The following CDH13 variants were observed in gnomAD, a reference collection of about 807,000 sequenced individuals.
CDH13 encodes the protein cadherin-13.
CDH13 carries 24 observed loss-of-function variants against 63.8 expected under a neutral mutation model. That is an observed-to-expected ratio of 0.38 (90% CI 0.27 to 0.53). The LOEUF is 0.53. Among genes scored for constraint, CDH13 ranks in the 20% least tolerant of loss-of-function variants. The probability of loss-of-function intolerance (pLI) is 0.85; values close to 1 mark genes in which losing one functional copy is unlikely to be tolerated. For missense variants in CDH13, 1,049 were observed against 903.1 expected (o/e 1.16, Z -2.07); for synonymous variants, 503 against 355.3 (o/e 1.42, Z -4.67).
chr16:82,990,657 C>A (rs1911553634), intron 2 of CDH13, among the ~76,000 whole-genome samples: 1 of 151,842 alleles, frequency 6.6e-6, no homozygotes, highest in Non-Finnish European at 1.5e-5. Context: ...AGTGATTCTC[C>A]CACCTCAGCC....
At chr16:82,805,384 A>G (rs555913890) in intron 1 of CDH13, among the ~76,000 whole-genome samples, 4 of 152,212 alleles carry the variant, frequency 2.6e-5, no homozygotes, top group African/African-American at 9.6e-5. Flanking sequence ...GTCCAAATCC[A>G]GTCCTTGTCT....
At chr16:83,420,494 G>T (rs895640652) in intron 6 of CDH13, among the ~76,000 whole-genome samples, 1 of 152,152 alleles carries the variant, frequency 6.6e-6, no homozygotes, top group Non-Finnish European at 1.5e-5. Flanking sequence ...GCTCTCTCTC[G>T]TAATAGTTCA....
intron 6 of CDH13, among the ~76,000 whole-genome samples, chr16:83,361,782 CTA>C (rs1378274596): frequency 6.6e-6 from 1 of 152,004 alleles, no homozygotes; most frequent in African/African-American, 2.4e-5. Flanking sequence ...TCTCATTAGT[CTA>C]TGTGTCTATT....
intron 13 of CDH13, 83 bp downstream of exon 13, chr16:83,783,555 C>G (rs1472364204): frequency 6.0e-6 from 6 of 999,146 alleles, no homozygotes; most frequent in Admixed American, 3.4e-5. Context: ...TTCCCATATA[C>G]CTTTCCAAGA....
chr16:83,127,319 T>G (rs1259785325), intron 4 of CDH13, among the ~76,000 whole-genome samples: 1 of 152,224 alleles, frequency 6.6e-6, no homozygotes, highest in Non-Finnish European at 1.5e-5. Flanking sequence ...AAGATCATCC[T>G]GGCTGCCTTG....
intron 1 of CDH13, among the ~76,000 whole-genome samples, chr16:82,813,954 C>G (rs184726623): frequency 6.6e-6 from 1 of 151,982 alleles, no homozygotes; most frequent in East Asian, 1.9e-4. Flanking sequence ...CTCATAAAAC[C>G]ATTGTCGAGA....
At chr16:83,428,863 G>C (rs2072000176) in intron 6 of CDH13, among the ~76,000 whole-genome samples, 1 of 152,182 alleles carries the variant, frequency 6.6e-6, no homozygotes, top group Admixed American at 6.6e-5. Flanking sequence ...AGTGCATTCA[G>C]GCACTATTCT....
At chr16:83,131,246 C>T (rs1012355314) in intron 4 of CDH13, among the ~76,000 whole-genome samples, 2 of 142,974 alleles carry the variant, frequency 1.4e-5, no homozygotes, top group African/African-American at 5.1e-5. Flanking sequence ...TCACTGCCAG[C>T]CCTGGGAAAA....
At chr16:82,727,624 TA>T (rs1354551867) in intron 1 of CDH13, 1 of 152,222 alleles carries the variant, frequency 6.6e-6, no homozygotes, top group African/African-American at 2.4e-5. Flanking sequence ...TCCTTGCTCA[TA>T]TCATTTATGA....
At chr16:82,733,567 A>T (rs375090209) in intron 1 of CDH13, among the ~76,000 whole-genome samples, 1 of 152,214 alleles carries the variant, frequency 6.6e-6, no homozygotes, top group Admixed American at 6.5e-5. Context: ...CATCATCTTG[A>T]TCCTATGAGA....
chr16:83,682,071 C>T (rs1915452560), intron 10 of CDH13, among the ~76,000 whole-genome samples: 1 of 152,186 alleles, frequency 6.6e-6, no homozygotes, highest in African/African-American at 2.4e-5. Context: ...TGATGTGATA[C>T]CTCTGTTCTT....
intron 8 of CDH13, among the ~76,000 whole-genome samples, chr16:83,615,600 G>A (rs1909218789): frequency 6.6e-6 from 1 of 151,980 alleles, no homozygotes; most frequent in Non-Finnish European, 1.5e-5. Flanking sequence ...ATGCTACTGG[G>A]ATCTCTATCT....
At chr16:83,173,944 C>T (rs1420357144) in intron 4 of CDH13, among the ~76,000 whole-genome samples, 1 of 152,054 alleles carries the variant, frequency 6.6e-6, no homozygotes, top group South Asian at 2.1e-4. Flanking sequence ...AGGCATATCC[C>T]TGGTTATTTC....
In CDH13 at chr16:83,561,317, A is replaced by G. The variant is rs547617238; in HGVS notation, c.961-41137A>G. Among the ~76,000 whole-genome samples the G allele has an allele frequency of 6.6e-5, 10 of 151,048 alleles. No homozygotes were observed. In the South Asian group the frequency reaches 8.5e-4, roughly 13 times the overall value. On this transcript the variant is annotated intron_variant, in intron 7 of 13. Coordinates refer to ENST00000567109, the MANE Select transcript of CDH13 (RefSeq NM_001257.5). ...AAAAATTAGCCAGGTGTGGTGACGC[A>G]TGGGAGGCTGAGGCAGGAGAATTAT...
intron 6 of CDH13, among the ~76,000 whole-genome samples, chr16:83,478,039 G>A (rs1339930416): frequency 6.6e-6 from 1 of 151,806 alleles, no homozygotes; most frequent in Non-Finnish European, 1.5e-5. Flanking sequence ...AAATTAGCCA[G>A]GCTTGGTGGT....
chr16:82,936,950 C>T (rs1159181323), intron 2 of CDH13, among the ~76,000 whole-genome samples: 5 of 152,098 alleles, frequency 3.3e-5, no homozygotes, highest in African/African-American at 1.2e-4. Flanking sequence ...TTTATCAGGG[C>T]CTCTGGGGTC....
intron 6 of CDH13, among the ~76,000 whole-genome samples, chr16:83,374,479 G>A (rs967815960): frequency 6.6e-6 from 1 of 152,136 alleles, no homozygotes; most frequent in African/African-American, 2.4e-5. Context: ...TCTGTTCACA[G>A]TTTTGACTAA....
intron 4 of CDH13, among the ~76,000 whole-genome samples, chr16:83,201,606 G>A (rs2039030786): frequency 6.6e-6 from 1 of 152,010 alleles, no homozygotes; most frequent in African/African-American, 2.4e-5. Flanking sequence ...GAATAAGATT[G>A]AGTAACGTTG....
At chr16:83,693,323 C>G (rs1445958822) in intron 10 of CDH13, among the ~76,000 whole-genome samples, 1 of 152,178 alleles carries the variant, frequency 6.6e-6, no homozygotes, top group Non-Finnish European at 1.5e-5. Flanking sequence ...GTTTAGAACA[C>G]AGTGCACGGT....
Sources: gnomAD v4.1 joint callset for allele counts (sites outside exome capture counted in the v4.1 genomes callset) on GRCh38, gnomAD v4.1.1 for gene constraint, MANE v1.5 for transcripts, NCBI Gene and HGNC (gene_info 2026-07-23, HGNC 2026-07-21) for gene names.